TYW1: variants seen among roughly 807,000 people sequenced by gnomAD.
The protein encoded by TYW1 is tRNA-yW synthesizing protein 1 homolog, also known as S-adenosyl-L-methionine-dependent tRNA 4-demethylwyosine synthase TYW1.
A neutral mutation model predicts 96.2 loss-of-function variants in TYW1; 46 were observed. The observed-to-expected ratio is 0.48, with a 90% CI of 0.38 to 0.61. TYW1 has a LOEUF of 0.61. TYW1 is among the 20% of genes least tolerant of loss of function. TYW1 has a pLI of 0.00. For synonymous variants in TYW1, 274 were observed against 323.0 expected (o/e 0.85, Z 1.63); for missense variants, 684 against 909.6 (o/e 0.75, Z 3.19).
At chr7:67,006,927 A>G (rs1793612427) in intron 3 of TYW1, among the ~76,000 whole-genome samples, 1 of 140,486 alleles carries the variant, frequency 7.1e-6, no homozygotes, top group African/African-American at 2.7e-5. Context: ...AGGGAGCAAA[A>G]CAGTAGGGAG....
intron 13 of TYW1, among the ~76,000 whole-genome samples, chr7:67,124,057 CA>C (rs1226282719): frequency 6.6e-6 from 1 of 152,240 alleles, no homozygotes; most frequent in East Asian, 1.9e-4. Context: ...TAAAGAATTG[CA>C]TAGCATATCT....
intron 6 of TYW1, among the ~76,000 whole-genome samples, chr7:67,024,541 G>A (rs1794384505): frequency 6.6e-6 from 1 of 152,132 alleles, no homozygotes; most frequent in Non-Finnish European, 1.5e-5. Flanking sequence ...AGCACTTTGG[G>A]AGGCTGAGGT....
At chr7:67,199,611 A>G (rs1261095932) in intron 15 of TYW1, among the ~76,000 whole-genome samples, 1 of 152,190 alleles carries the variant, frequency 6.6e-6, no homozygotes, top group South Asian at 2.1e-4. Context: ...ATTGTAAACA[A>G]AAGCCCTCCC....
chr7:67,204,218 T>C (rs1277913059), intron 15 of TYW1, among the ~76,000 whole-genome samples: 2 of 152,146 alleles, frequency 1.3e-5, no homozygotes, highest in Admixed American at 6.5e-5. Context: ...TCTCTTTTCT[T>C]TTTAGATCTC....
intron 6 of TYW1, among the ~76,000 whole-genome samples, chr7:67,022,876 G>A (rs1293019823): frequency 3.3e-5 from 5 of 152,190 alleles, no homozygotes; most frequent in African/African-American, 1.2e-4. Context: ...CGCCACTTCT[G>A]TAGTCTCAGG....
Position 67,018,133 on chromosome 7 carries a change from G to A in TYW1, c.851G>A (p.Arg284Lys). Reference sequence around the variant, plus strand: ...CATGAGCAGGATGAATTGCATCATAGAGACACCGAGGTATACCGCCTGTGT... The same window carrying A: ...CATGAGCAGGATGAATTGCATCATAAAGACACCGAGGTATACCGCCTGTGT... ...GSHEQDELHHRDTEEEEPFES... is the reference protein window; with the variant it reads ...GSHEQDELHHKDTEEEEPFES... Residue 284 changes from arginine to lysine, a missense_variant, in exon 6 of 16, where the codon AGA becomes AAA. Transcript: ENST00000359626. 6.2e-7 allele frequency: 1 copy of A among 1,613,474 alleles called. No homozygotes were observed. The highest frequency in any genetic ancestry group is 1.7e-5 in the Admixed American group (1 of 59,968).
chr7:67,221,388 A>G (rs1400641886), intron 15 of TYW1, among the ~76,000 whole-genome samples: 1 of 152,202 alleles, frequency 6.6e-6, no homozygotes, highest in Non-Finnish European at 1.5e-5. Context: ...CTTTGGGTTC[A>G]AAGCGAATCT....
At chr7:67,189,785 G>A (rs1241670002) in intron 14 of TYW1, among the ~76,000 whole-genome samples, 2 of 152,004 alleles carry the variant, frequency 1.3e-5, no homozygotes, top group South Asian at 4.2e-4. Flanking sequence ...TTATCATATC[G>A]ATTTCCTCTT....
intron 7 of TYW1, among the ~76,000 whole-genome samples, chr7:67,037,550 A>G (rs1286551105): frequency 1.3e-5 from 2 of 151,888 alleles, no homozygotes; most frequent in African/African-American, 2.4e-5. Flanking sequence ...AGAATGTTCA[A>G]GGATTTAGAG....
At chr7:67,217,305 A>G (rs1192997912) in intron 15 of TYW1, among the ~76,000 whole-genome samples, 3 of 151,964 alleles carry the variant, frequency 2.0e-5, no homozygotes, top group African/African-American at 4.8e-5. Flanking sequence ...TTTCTTGCCT[A>G]TTCTCTATAC....
At chr7:67,095,004 T>C (rs920215927) in intron 11 of TYW1, among the ~76,000 whole-genome samples, 2 of 98,586 alleles carry the variant, frequency 2.0e-5, no homozygotes, top group African/African-American at 1.0e-4. Context: ...AACTGCATGA[T>C]TTTTTTTTTT....
At chr7:67,170,716 G>A (rs1263696774) in intron 13 of TYW1, among the ~76,000 whole-genome samples, 1 of 152,028 alleles carries the variant, frequency 6.6e-6, no homozygotes, top group Non-Finnish European at 1.5e-5. Flanking sequence ...TGTTACTATG[G>A]ATATAGCTGT....
intron 13 of TYW1, among the ~76,000 whole-genome samples, chr7:67,160,362 ATTAT>A (rs1340941081): frequency 3.3e-5 from 5 of 152,210 alleles, no homozygotes; most frequent in African/African-American, 9.6e-5. Flanking sequence ...TATGTGTTTA[ATTAT>A]TTGTGATATT....
intron 9 of TYW1, among the ~76,000 whole-genome samples, chr7:67,064,256 GAC>G (rs1795791644): frequency 6.6e-6 from 1 of 152,156 alleles, no homozygotes; most frequent in African/African-American, 2.4e-5. Flanking sequence ...TGACAAAGAA[GAC>G]AGAAATGGGA....
intron 7 of TYW1, among the ~76,000 whole-genome samples, chr7:67,029,944 C>T (rs1222279512): frequency 1.3e-5 from 2 of 152,018 alleles, no homozygotes; most frequent in African/African-American, 4.8e-5. Flanking sequence ...TTATAAAGGC[C>T]ACAGATCAGA....
intron 15 of TYW1, among the ~76,000 whole-genome samples, chr7:67,196,983 T>G (rs1346489273): frequency 2.0e-5 from 3 of 152,312 alleles, no homozygotes; most frequent in Non-Finnish European, 4.4e-5. Context: ...ACACTACCAC[T>G]TGTTAACTAG....
At chr7:67,074,085 A>G (rs1796130126) in intron 10 of TYW1, among the ~76,000 whole-genome samples, 1 of 151,852 alleles carries the variant, frequency 6.6e-6, no homozygotes, top group South Asian at 2.1e-4. Flanking sequence ...AAAAAAAAAA[A>G]AAAGAAATAA....
chr7:67,183,421 T>C (rs947273688), intron 14 of TYW1, among the ~76,000 whole-genome samples, 185 bp downstream of exon 14: 8 of 152,138 alleles, frequency 5.3e-5, no homozygotes, highest in African/African-American at 9.7e-5. Flanking sequence ...ATAATAGCAG[T>C]CAAGAAGACC....
chr7:67,228,249 C>T (rs1368566383), intron 15 of TYW1, among the ~76,000 whole-genome samples: 2 of 152,184 alleles, frequency 1.3e-5, no homozygotes, highest in African/African-American at 4.8e-5. Context: ...GTTCACGTGG[C>T]TGGGGTGGCA....
Sources: allele counts gnomAD v4.1 joint callset (sites outside exome capture counted in the v4.1 genomes callset), GRCh38; gene constraint gnomAD v4.1.1; transcripts MANE v1.5; gene names NCBI Gene and HGNC (gene_info 2026-07-23, HGNC 2026-07-21).